The following KDM5A variants were observed in gnomAD, a reference collection of about 807,000 sequenced individuals.
KDM5A encodes lysine demethylase 5A.
KDM5A carries 42 observed loss-of-function variants against 193.5 expected under a neutral mutation model. The observed-to-expected ratio is 0.22, with a 90% CI of 0.17 to 0.28. The LOEUF is 0.28. KDM5A is among the 10% of genes least tolerant of loss of function. The pLI, the probability that KDM5A is intolerant of heterozygous loss-of-function variation, is 1.00. For missense variants in KDM5A, 1,692 were observed against 2,055.1 expected, an observed-to-expected ratio of 0.82 and a Z score of 3.42; for synonymous variants, 796 against 718.1, an observed-to-expected ratio of 1.11 and a Z score of -1.73.
intron 1 of KDM5A, among the ~76,000 whole-genome samples, 175 bp downstream of exon 1, chr12:388,752 G>A (rs1337848582): frequency 2.0e-5 from 3 of 152,170 alleles, no homozygotes; most frequent in Non-Finnish European, 2.9e-5. Flanking sequence ...GCTTTCAGAC[G>A]TGTCTACATA....
At chr12:308,537 G>A (rs1214639869) in intron 22 of KDM5A, among the ~76,000 whole-genome samples, 1 of 152,188 alleles carries the variant, frequency 6.6e-6, no homozygotes, top group Non-Finnish European at 1.5e-5. Context: ...GCCTCTTCAT[G>A]TATAAGTAGA....
At chr12:353,704 C>T (rs548485397) in intron 8 of KDM5A, among the ~76,000 whole-genome samples, 1 of 152,184 alleles carries the variant, frequency 6.6e-6, no homozygotes, top group African/African-American at 2.4e-5. Flanking sequence ...AGGCAGATTA[C>T]GAGGTCAAGA....
chr12:360,193 G>C (rs778345862), intron 5 of KDM5A, among the ~76,000 whole-genome samples: 9 of 151,456 alleles, frequency 5.9e-5, no homozygotes, highest in Non-Finnish European at 8.8e-5. Flanking sequence ...AGAATCGTTT[G>C]AACCCGGGAG....
Position 285,328 on chromosome 12 carries a change from G to C in KDM5A, c.*128C>G, listed in dbSNP as rs1943206807. On this transcript the variant is annotated 3_prime_UTR_variant, in exon 28 of 28. Transcript: ENST00000399788. ...CATGCAAAGAGGAAGCCAGCACTAA[G>C]GGGACTTTCTCTGAAGGCCATTCAT... 6 of 774,318 alleles carry C rather than the reference G, an allele frequency of 7.7e-6. No individual in the cohort carries two copies. The highest frequency in any genetic ancestry group is 2.1e-5 in the Admixed American group (1 of 46,542). 48.0% of individuals were successfully genotyped at this position (774,318 alleles called of 1,614,324 possible).
At chr12:324,495 G>A (rs1166937153) in intron 14 of KDM5A, among the ~76,000 whole-genome samples, 1 of 152,152 alleles carries the variant, frequency 6.6e-6, no homozygotes, top group Non-Finnish European at 1.5e-5. Context: ...TAAGGACAAA[G>A]AAGTATAAAG....
chr12:344,264 T>A (rs568029377), intron 10 of KDM5A, among the ~76,000 whole-genome samples: 7 of 152,308 alleles, frequency 4.6e-5, no homozygotes, highest in Admixed American at 1.3e-4. Flanking sequence ...TATGGGACTA[T>A]GTGAAAAGAC....
At position 297,108 on chromosome 12, in the gene KDM5A, G is replaced by T; in HGVS notation, c.4167C>A (p.His1389Gln). The change falls in exon 25 of 28, where the codon CAC (histidine) becomes CAA (glutamine). Residue 1389 changes from histidine to glutamine, a missense_variant. Physicochemically the swap from His to Gln is conservative, Grantham distance 24. Transcript: ENST00000399788. ...IPIKSEEVVT[H>Q]MWTAPSFCAE... is the part of the protein sequence containing the mutation. ...CACAAAATGAAGGTGCTGTCCACAT[G>T]TGGGTCACCACCTCCTCGGATTTGA... 6.2e-7 allele frequency: 1 copy of T among 1,614,026 alleles called. No homozygotes were observed. Among genetic ancestry groups the T allele is most frequent in the Middle Eastern group, 1.7e-4 (1 of 6,060 alleles).
rs113040996 is a variant in KDM5A, at chr12:324,009, A to C, written c.1969-228T>G. On this transcript the variant is annotated intron_variant, in intron 14 of 27. Transcript: ENST00000399788. ...TAAGGATGCACATTTGAGTGACAAA[A>C]CTATAAAGAAACATGGGCTGGGTGC... 2.6e-4 allele frequency among the ~76,000 whole-genome samples: 39 copies of C among 152,340 alleles called. No homozygotes were observed. Among genetic ancestry groups the C allele is most frequent in the Non-Finnish European group, 7.3e-5 (5 of 68,034 alleles).
intron 4 of KDM5A, among the ~76,000 whole-genome samples, chr12:363,794 T>C (rs564489934): frequency 2.6e-5 from 4 of 152,026 alleles, no homozygotes; most frequent in African/African-American, 9.6e-5. Flanking sequence ...CTTCAAAAAG[T>C]GACCAGTACA....
Position 334,257 on chromosome 12 carries a change from T to C in KDM5A, c.1474A>G (p.Ile492Val). The change falls in exon 11 of 28, where the codon ATC becomes GTC. Residue 492 changes from isoleucine to valine, a missense_variant. Transcript: ENST00000399788. ...WHIEDHWSYS[I>V]NYLHWGEPKT... ...TGTACATACCAGTGCAAGTAGTTGA[T>C]GGAATAACTCCAGTGATCCTCAATG... 6.2e-7 allele frequency: 1 copy of C among 1,614,146 alleles called. No homozygotes were observed. Among genetic ancestry groups the C allele is most frequent in the Non-Finnish European group, 8.5e-7 (1 of 1,180,004 alleles).
intron 10 of KDM5A, among the ~76,000 whole-genome samples, chr12:348,317 T>C (rs926793578): frequency 1.3e-5 from 2 of 152,242 alleles, no homozygotes; most frequent in African/African-American, 2.4e-5. Flanking sequence ...TTGGTGGGAC[T>C]GTACACTAGT....
At chr12:332,490 C>T (rs951835422) in intron 12 of KDM5A, among the ~76,000 whole-genome samples, 4 of 152,102 alleles carry the variant, frequency 2.6e-5, no homozygotes, top group African/African-American at 9.7e-5. Flanking sequence ...TGTTAAACTA[C>T]TTTCTCTTTA....
intron 26 of KDM5A, among the ~76,000 whole-genome samples, 197 bp downstream of exon 26, chr12:295,376 G>C (rs1006541440): frequency 2.0e-5 from 3 of 152,036 alleles, no homozygotes; most frequent in African/African-American, 4.8e-5. Context: ...AAGAAAGAAA[G>C]AGGGAGGAAG....
chr12:383,599 G>T lies in KDM5A; in HGVS notation c.366+432C>A, dbSNP rs536747310. Among the ~76,000 whole-genome samples, 59 of 152,144 alleles carry T rather than the reference G, an allele frequency of 3.9e-4. 1 individual carries two copies. Among genetic ancestry groups the T allele is most frequent in the African/African-American group, 1.3e-3 (52 of 41,510 alleles). On this transcript the variant is annotated intron_variant, in intron 3 of 27. Coordinates refer to ENST00000399788, the MANE Select transcript of KDM5A (RefSeq NM_001042603.3). ...CACTCAGCACAAGATAACATTAGCA[G>T]GCTAGAGTAATTTATTTTGCATATT...
At chr12:387,343 T>G (rs1393470121) in intron 1 of KDM5A, 4 of 258,816 alleles carry the variant, frequency 1.5e-5, no homozygotes, top group Non-Finnish European at 3.1e-5. Context: ...AAGCATTATT[T>G]CAGCATTTTT....
At chr12:360,647 T>C (rs1305290295) in intron 5 of KDM5A, among the ~76,000 whole-genome samples, 1 of 152,122 alleles carries the variant, frequency 6.6e-6, no homozygotes, top group East Asian at 1.9e-4. Context: ...ATTACTTAGC[T>C]CAAAGTTAGA....
Position 295,693 on chromosome 12 carries a change from C to T in KDM5A, c.4335G>A (p.Leu1445=). The part of the protein sequence containing the change: ...LELSPGAKAQ[L]EELMMVGDLL... ...GATCTCCAACCATCATAAGTTCTTC[C>T]AGTTGTGCCTTAGCTCCAGGTGACA... The change falls in exon 26 of 28, where the codon CTG becomes CTA. Residue 1445 remains leucine (L), a synonymous_variant. Coordinates refer to ENST00000399788, the MANE Select transcript of KDM5A (RefSeq NM_001042603.3). 2 of 1,614,124 alleles carry T rather than the reference C, an allele frequency of 1.2e-6. No individual in the cohort carries two copies. The highest frequency in any genetic ancestry group is 1.7e-6 in the Non-Finnish European group (2 of 1,179,996).
rs148369335 is a variant in KDM5A, at chr12:373,918, A to T, written c.367-7814T>A. The stretch of plus-strand genomic sequence containing the variant: ...AGTGAGTTTGTTAATCCTGAGTTCT[A>T]GTTTGATTGCACTGTGGTCTGAGAG... On this transcript the variant is annotated intron_variant, in intron 3 of 27. Coordinates refer to ENST00000399788, the MANE Select transcript of KDM5A (RefSeq NM_001042603.3). Among the ~76,000 whole-genome samples, 428 of 152,252 alleles carry T rather than the reference A, an allele frequency of 2.8e-3. 13 individuals are homozygous for T. In the East Asian group the frequency reaches 0.065, roughly 23 times the overall value.
intron 24 of KDM5A, among the ~76,000 whole-genome samples, chr12:301,740 T>C (rs1943443592): frequency 6.6e-6 from 1 of 152,152 alleles, no homozygotes; most frequent in Admixed American, 6.5e-5. Context: ...AGTCAAACTG[T>C]CCCTGTTTGC....
Sources: gnomAD v4.1 joint callset for allele counts (sites outside exome capture counted in the v4.1 genomes callset) on GRCh38, gnomAD v4.1.1 for gene constraint, MANE v1.5 for transcripts, NCBI Gene and HGNC (gene_info 2026-07-23, HGNC 2026-07-21) for gene names.